The following PCDH17 variants were observed in gnomAD, a reference collection of about 807,000 sequenced individuals.
PCDH17 encodes protocadherin-17.
In PCDH17, 21 loss-of-function variants were observed where a neutral mutation model predicts 67.7. That is an observed-to-expected ratio of 0.31 (90% confidence interval 0.22 to 0.45). The LOEUF is 0.45. Ranked by LOEUF, PCDH17 falls within the 20% of genes least tolerant of loss-of-function variation. The pLI is 1.00. For missense variants in PCDH17, 1,471 were observed against 1,564.8 expected, an observed-to-expected ratio of 0.94 and a Z score of 1.01; for synonymous variants, 701 against 656.7, an observed-to-expected ratio of 1.07 and a Z score of -1.03.
At chr13:57,708,723 A>G (rs796190342) in intron 3 of PCDH17, among the ~76,000 whole-genome samples, 1 of 151,942 alleles carries the variant, frequency 6.6e-6, no homozygotes, top group South Asian at 2.1e-4. Context: ...ATCCTACATA[A>G]TTATTTTCCA....
At chr13:57,657,217 C>T (rs147631298) in intron 1 of PCDH17, among the ~76,000 whole-genome samples, 1 of 152,160 alleles carries the variant, frequency 6.6e-6, no homozygotes, top group Non-Finnish European at 1.5e-5. Flanking sequence ...CATTGAGCAG[C>T]AGACTTAAAA....
In PCDH17 at chr13:57,693,935, G is replaced by GTAGGTACATAAATC. The variant is rs549152544; in HGVS notation, c.2797+27103_2797+27116dup. 8.1e-3 allele frequency among the ~76,000 whole-genome samples: 1,211 copies of GTAGGTACATAAATC among 149,700 alleles called. 6 individuals are homozygous for GTAGGTACATAAATC. The highest frequency in any genetic ancestry group is 0.014 in the Non-Finnish European group (933 of 67,010). On this transcript the variant is annotated intron_variant, in intron 3 of 3. Coordinates refer to ENST00000377918, the MANE Select transcript of PCDH17 (RefSeq NM_001040429.3). ...CAGGAATACTTCCAACTTACACATT[G>GTAGGTACATAAATC]TAGGTACATAAATCCAGCATTCAGT...
chr13:57,711,493 T>G (rs1350064485), intron 3 of PCDH17, among the ~76,000 whole-genome samples: 2 of 151,910 alleles, frequency 1.3e-5, no homozygotes, highest in African/African-American at 4.8e-5. Flanking sequence ...GTATGAAGAA[T>G]GCATGCATAA....
In PCDH17 at chr13:57,633,180, G is replaced by C. The variant is rs768698732; in HGVS notation, c.634G>C (p.Val212Leu). 1.2e-6 allele frequency: 2 copies of C among 1,613,174 alleles called. No homozygotes were observed. Among genetic ancestry groups the C allele is most frequent in the Non-Finnish European group, 1.7e-6 (2 of 1,179,978 alleles). Residue 212 changes from valine (V) to leucine (L), a missense_variant, in exon 1 of 4, where the codon GTG (valine) becomes CTG (leucine). By Grantham distance (32) the Val-to-Leu change is conservative (BLOSUM62 1). This residue lies in a region of PCDH17 where 1,163 missense variants were observed against 1,230.0 expected (regional missense o/e 0.95). Coordinates refer to ENST00000377918, the MANE Select transcript of PCDH17 (RefSeq NM_001040429.3). This position sits in a 1 kb window ranked among gnomAD's most constrained non-coding sequence, Gnocchi z 6.2. ...DREQQNHHTL[V>L]LTALDGGEPP... ...CGAGCAACAGAATCACCATACGCTC[G>C]TGCTGACTGCCCTGGACGGTGGCGA... is the stretch of plus-strand genomic sequence containing the variant.
chr13:57,697,521 G>T (rs922048534), intron 3 of PCDH17, among the ~76,000 whole-genome samples: 4 of 151,624 alleles, frequency 2.6e-5, no homozygotes, highest in Non-Finnish European at 4.4e-5. Context: ...AGCATGAATT[G>T]CTGTGTTACC....
intron 1 of PCDH17, among the ~76,000 whole-genome samples, chr13:57,652,819 A>AT (rs1277399313): frequency 6.6e-6 from 1 of 152,190 alleles, no homozygotes; most frequent in Non-Finnish European, 1.5e-5. Flanking sequence ...GGATCTCATG[A>AT]TTAGCATGCA....
intron 1 of PCDH17, among the ~76,000 whole-genome samples, chr13:57,656,916 C>T (rs1348084920): frequency 1.3e-5 from 2 of 152,196 alleles, no homozygotes; most frequent in African/African-American, 4.8e-5. Context: ...TCAGTTGGCC[C>T]TGGGATTCGC....
chr13:57,678,662 C>G (rs1004459459), intron 3 of PCDH17, among the ~76,000 whole-genome samples: 3 of 151,336 alleles, frequency 2.0e-5, no homozygotes, highest in African/African-American at 7.3e-5. Context: ...TGTAAAAATT[C>G]AGAGGAGCTA....
chr13:57,717,487 G>A (rs9537784), intron 3 of PCDH17, among the ~76,000 whole-genome samples: 124,124 of 151,942 alleles, frequency 0.82, 51,224 homozygotes, highest in African/African-American at 0.93. Context: ...AAGGGTCACA[G>A]ACACTTAAAA....
chr13:57,658,059 G>A (rs996573770), intron 1 of PCDH17, among the ~76,000 whole-genome samples: 6 of 151,918 alleles, frequency 3.9e-5, no homozygotes, highest in Non-Finnish European at 4.4e-5. Flanking sequence ...TTTGAAATAC[G>A]TATCTTTATA....
intron 3 of PCDH17, among the ~76,000 whole-genome samples, chr13:57,692,429 A>G (rs1006054338): frequency 6.6e-6 from 1 of 151,348 alleles, no homozygotes; most frequent in African/African-American, 2.4e-5. Flanking sequence ...TAGAGCTTGT[A>G]TTCACAATGA....
intron 1 of PCDH17, among the ~76,000 whole-genome samples, chr13:57,636,759 TAC>T (rs1457382353): frequency 1.3e-5 from 2 of 152,222 alleles, no homozygotes; most frequent in African/African-American, 2.4e-5. Flanking sequence ...AAAGATTTGC[TAC>T]AGTCATTTTA....
intron 3 of PCDH17, among the ~76,000 whole-genome samples, chr13:57,669,828 C>T (rs950444427): frequency 2.6e-5 from 4 of 152,004 alleles, no homozygotes; most frequent in Admixed American, 6.6e-5. Flanking sequence ...CATTTTGACT[C>T]ATTGCTATGA....
chr13:57,641,550 G>T (rs1593894070), intron 1 of PCDH17, among the ~76,000 whole-genome samples: 1 of 89,002 alleles, frequency 1.1e-5, no homozygotes, highest in Non-Finnish European at 2.0e-5. Flanking sequence ...TTCAGACAGT[G>T]TTTGAGAGAA....
At position 57,633,084 on chromosome 13, in the gene PCDH17, G is replaced by A; in HGVS notation, c.538G>A (p.Gly180Arg). ...LLTRDDHGLF[G>R]LDVKSRGDGT... is the part of the protein sequence containing the mutation. ...CACGCGCGACGATCACGGCCTCTTT[G>A]GACTGGACGTTAAGTCCCGCGGCGA... The change falls in exon 1 of 4, where the codon GGA (glycine) becomes AGA (arginine). Residue 180 changes from glycine to arginine, a missense_variant. Physicochemically the swap from Gly to Arg is moderately radical, Grantham distance 125. This residue lies in a region of PCDH17 where 1,163 missense variants were observed against 1,230.0 expected (regional missense o/e 0.95). Transcript: ENST00000377918. The surrounding 1 kb of genome is among the most constrained non-coding windows in gnomAD (Gnocchi z 6.2). The A allele has an allele frequency of 6.2e-7, 1 of 1,613,432 alleles. No homozygotes were observed. Among genetic ancestry groups the A allele is most frequent in the Non-Finnish European group, 8.5e-7 (1 of 1,179,992 alleles).
Position 57,632,909 on chromosome 13 carries a change from G to A in PCDH17, c.363G>A (p.Glu121=). ...AGGAGATCTGCATGATCAAGGTAGAGATCCAGGACATCAACGACAACGCGC... is the reference window on the plus strand; with the variant it reads ...AGGAGATCTGCATGATCAAGGTAGAAATCCAGGACATCAACGACAACGCGC... ...NDKEICMIKV[E]IQDINDNAPS... The change falls in exon 1 of 4, where the codon GAG becomes GAA. Residue 121 remains glutamate, a synonymous_variant. Coordinates refer to ENST00000377918, the MANE Select transcript of PCDH17 (RefSeq NM_001040429.3). 6.2e-7 allele frequency: 1 copy of A among 1,614,118 alleles called. No individual in the cohort carries two copies. The highest frequency in any genetic ancestry group is 8.5e-7 in the Non-Finnish European group (1 of 1,180,040).
intron 1 of PCDH17, among the ~76,000 whole-genome samples, chr13:57,646,451 T>A (rs1311561235): frequency 6.6e-6 from 1 of 151,684 alleles, no homozygotes; most frequent in East Asian, 1.9e-4. Context: ...CATGTGAAGT[T>A]GTATTATTTA....
intron 1 of PCDH17, among the ~76,000 whole-genome samples, chr13:57,647,220 T>TA (rs534058239): frequency 1.5e-3 from 232 of 151,990 alleles, no homozygotes; most frequent in African/African-American, 5.4e-3. Context: ...TCTAAAAACA[T>TA]ATGTCATTTG....
chr13:57,652,060 T>C (rs1231719187), intron 1 of PCDH17, among the ~76,000 whole-genome samples: 2 of 151,100 alleles, frequency 1.3e-5, no homozygotes. Context: ...GGGTGGATCA[T>C]GAGGTCAGGA....
Sources: allele counts gnomAD v4.1 joint callset (sites outside exome capture counted in the v4.1 genomes callset), GRCh38; gene constraint gnomAD v4.1.1; regional missense constraint gnomAD v4.1.1; non-coding constraint Gnocchi (gnomAD v3.1); transcripts MANE v1.5; gene names NCBI Gene and HGNC (gene_info 2026-07-23, HGNC 2026-07-21).